NHSL2: variants seen among roughly 807,000 people sequenced by gnomAD.
The protein encoded by NHSL2 is NHS-like protein 2.
A neutral mutation model predicts 53.4 loss-of-function variants in NHSL2; 27 were observed. The ratio of observed to expected loss-of-function variants is 0.51; its 90% CI spans 0.37 to 0.70. NHSL2 has a LOEUF of 0.70. Ranked by LOEUF, NHSL2 falls within the 30% of genes least tolerant of loss-of-function variation. NHSL2 has a pLI of 0.00. For synonymous variants in NHSL2, 408 were observed against 404.1 expected (o/e 1.01, Z -0.12); for missense variants, 892 against 980.1 (o/e 0.91, Z 1.20).
At position 72,148,255 on chromosome X, in the gene NHSL2, T is replaced by C. The variant is rs1280774599; in HGVS notation, c.*4681T>C. 2 of 112,203 alleles carry C rather than the reference T, an allele frequency of 1.8e-5. No homozygotes were observed. Among genetic ancestry groups the C allele is most frequent in the Non-Finnish European group, 3.8e-5 (2 of 53,254 alleles). The allele number at this position is 112,203 out of a possible 1,213,427, so 9.2% of individuals were successfully genotyped here. On this transcript the variant is annotated 3_prime_UTR_variant, in exon 8 of 8. Transcript: ENST00000633930. ...ATGTCCTGTTTGTGAAAGGTGAAACTGTCCAATCCATGTCCAATCAATGTC... is the reference window on the plus strand; with the variant it reads ...ATGTCCTGTTTGTGAAAGGTGAAACCGTCCAATCCATGTCCAATCAATGTC...
rs576789373 is a variant in NHSL2, at chrX:72,035,380, C to T, written c.281-96699C>T. Among the ~76,000 whole-genome samples the T allele has an allele frequency of 1.1e-4, 12 of 110,350 alleles. No individual in the cohort carries two copies. In the South Asian group the frequency reaches 1.6e-3, roughly 14 times the overall value. ...CTTTGTATATGTCAGTTACATCTCT[C>T]GGATTGATTGTGTTGTTGAATTCTT... On this transcript the variant is annotated intron_variant, in intron 1 of 7. Coordinates refer to ENST00000633930, the MANE Select transcript of NHSL2 (RefSeq NM_001013627.3).
intron 1 of NHSL2, among the ~76,000 whole-genome samples, chrX:72,101,038 CTT>C (rs1210122586): frequency 5.2e-5 from 5 of 95,582 alleles, no homozygotes; most frequent in Non-Finnish European, 6.4e-5. Context: ...TGCCTGTTTC[CTT>C]TTTTTTTTTT....
chrX:72,061,503 G>A (rs771622989), intron 1 of NHSL2, among the ~76,000 whole-genome samples: 84 of 111,941 alleles, frequency 7.5e-4, no homozygotes, highest in Admixed American at 5.0e-3. Context: ...GCTTCTCTCT[G>A]TTTCCGTCAC....
At chrX:72,065,002 T>C (rs926279694) in intron 1 of NHSL2, among the ~76,000 whole-genome samples, 1 of 111,664 alleles carries the variant, frequency 9.0e-6, no homozygotes, top group Non-Finnish European at 1.9e-5. Context: ...ACCCTCTCCA[T>C]AGGCAGTGAT....
intron 1 of NHSL2, among the ~76,000 whole-genome samples, chrX:72,125,186 A>G (rs1239545890): frequency 1.8e-5 from 2 of 112,253 alleles, no homozygotes; most frequent in Non-Finnish European, 1.9e-5. Context: ...TCTGAACCTG[A>G]CTGCAGGATC....
intron 1 of NHSL2, among the ~76,000 whole-genome samples, chrX:72,083,606 T>C (rs968970145): frequency 2.7e-5 from 3 of 112,700 alleles, no homozygotes; most frequent in African/African-American, 9.7e-5. Context: ...ATACAGCCAC[T>C]TTCTATTTAT....
intron 1 of NHSL2, among the ~76,000 whole-genome samples, chrX:72,103,059 C>T (rs1324064854): frequency 8.9e-6 from 1 of 112,223 alleles, no homozygotes; most frequent in African/African-American, 3.2e-5. Flanking sequence ...CCAAAGGGTC[C>T]TAGGCCAGCA....
chrX:72,117,435 C>T (rs893674950), intron 1 of NHSL2, among the ~76,000 whole-genome samples: 2 of 107,813 alleles, frequency 1.9e-5, no homozygotes, highest in Admixed American at 2.0e-4. Context: ...TTTATTAAGA[C>T]ATAAAACATG....
intron 1 of NHSL2, among the ~76,000 whole-genome samples, chrX:72,112,601 A>G (rs2042102444): frequency 8.9e-6 from 1 of 112,418 alleles, no homozygotes; most frequent in African/African-American, 3.2e-5. Context: ...AAATGGAGTC[A>G]TATAATGTGT....
intron 3 of NHSL2, 121 bp downstream of exon 3, chrX:72,134,339 G>A (rs2042336006): frequency 1.1e-6 from 1 of 876,909 alleles, no homozygotes; most frequent in Non-Finnish European, 1.6e-6. Flanking sequence ...GCTACCCTGA[G>A]GCCCCACTGG....
At chrX:72,042,788 T>G (rs2042283019) in intron 1 of NHSL2, among the ~76,000 whole-genome samples, 1 of 108,028 alleles carries the variant, frequency 9.3e-6, no homozygotes, top group South Asian at 4.0e-4. Context: ...AAGGACTTTG[T>G]AGAGTAAGCA....
chrX:72,048,817 T>A (rs1254387852), intron 1 of NHSL2, among the ~76,000 whole-genome samples: 2 of 109,159 alleles, frequency 1.8e-5, no homozygotes, highest in Non-Finnish European at 3.8e-5. Context: ...GAACACAGAG[T>A]CTTTGCACAC....
intron 1 of NHSL2, among the ~76,000 whole-genome samples, chrX:72,031,096 C>T (rs1002245949): frequency 3.6e-5 from 4 of 112,091 alleles, no homozygotes; most frequent in African/African-American, 1.3e-4. Context: ...ATTTAACACT[C>T]GGAAGGAGAG....
At chrX:72,062,078 A>C (rs1238487433) in intron 1 of NHSL2, among the ~76,000 whole-genome samples, 1 of 112,572 alleles carries the variant, frequency 8.9e-6, no homozygotes, top group Non-Finnish European at 1.9e-5. Flanking sequence ...GGCCTAATAT[A>C]ATAGGCTCAA....
chrX:72,067,249 A>G (rs1234337256), intron 1 of NHSL2, among the ~76,000 whole-genome samples: 1 of 111,609 alleles, frequency 9.0e-6, no homozygotes, highest in African/African-American at 3.3e-5. Context: ...CCAGGTTGTG[A>G]TCATTCACTC....
intron 1 of NHSL2, among the ~76,000 whole-genome samples, chrX:72,064,548 C>T (rs926322870): frequency 4.5e-5 from 5 of 111,985 alleles, no homozygotes; most frequent in Non-Finnish European, 9.4e-5. Context: ...AGTTCTTGTC[C>T]CAGCTCTTGG....
At chrX:72,129,860 G>A (rs2042266258) in intron 1 of NHSL2, 15 of 1,201,757 alleles carry the variant, frequency 1.2e-5, no homozygotes, top group Non-Finnish European at 1.7e-5. Context: ...CGAGCAGCTC[G>A]GTGGCCCCCC....
At chrX:71,921,447 A>T (rs965370758) in intron 1 of NHSL2, among the ~76,000 whole-genome samples, 1 of 109,682 alleles carries the variant, frequency 9.1e-6, no homozygotes, top group Non-Finnish European at 1.9e-5. Context: ...AGAGAGAGAG[A>T]ACATAGGAAA....
intron 1 of NHSL2, among the ~76,000 whole-genome samples, chrX:71,945,864 A>C (rs1221156726): frequency 8.9e-6 from 1 of 111,795 alleles, no homozygotes; most frequent in Non-Finnish European, 1.9e-5. Context: ...CCCTCACAAG[A>C]GCTTTGCCAA....
Sources: gnomAD v4.1 joint callset for allele counts (sites outside exome capture counted in the v4.1 genomes callset) on GRCh38, gnomAD v4.1.1 for gene constraint, MANE v1.5 for transcripts, NCBI Gene and HGNC (gene_info 2026-07-23, HGNC 2026-07-21) for gene names.